PICALM: variants seen among roughly 807,000 people sequenced by gnomAD.
The protein encoded by PICALM is phosphatidylinositol-binding clathrin assembly protein.
PICALM carries 40 observed loss-of-function variants against 80.5 expected under a neutral mutation model. The observed-to-expected ratio is 0.50, with a 90% CI of 0.39 to 0.65. The LOEUF (loss-of-function observed/expected upper bound fraction) is 0.65. Among genes scored for constraint, PICALM ranks in the 30% least tolerant of loss-of-function variants. The pLI is 0.00. For missense variants in PICALM, 676 were observed against 778.9 expected, an observed-to-expected ratio of 0.87 and a Z score of 1.57; for synonymous variants, 288 against 260.3, an observed-to-expected ratio of 1.11 and a Z score of -1.02.
chr11:85,992,981 T>A (rs139432877), intron 12 of PICALM, among the ~76,000 whole-genome samples: 9 of 152,268 alleles, frequency 5.9e-5, no homozygotes, highest in Non-Finnish European at 1.0e-4. Context: ...AATCTATTAA[T>A]GGACATTACA....
intron 19 of PICALM, among the ~76,000 whole-genome samples, chr11:85,960,109 A>G (rs538013149): frequency 1.3e-5 from 2 of 152,342 alleles, no homozygotes; most frequent in Admixed American, 6.5e-5. Flanking sequence ...ATTAACATAA[A>G]TAAGAACCTG....
At chr11:85,987,350 G>C (rs2094603794) in intron 13 of PICALM, among the ~76,000 whole-genome samples, 2 of 151,992 alleles carry the variant, frequency 1.3e-5, no homozygotes, top group South Asian at 4.2e-4. Flanking sequence ...ATCTATTAGG[G>C]TTTTCAGTTT....
At chr11:85,963,247 T>G (rs1487356747) in intron 19 of PICALM, among the ~76,000 whole-genome samples, 1 of 152,098 alleles carries the variant, frequency 6.6e-6, no homozygotes, top group Non-Finnish European at 1.5e-5. Flanking sequence ...CACAAAATCA[T>G]CAAATTTTAC....
At position 86,000,689 on chromosome 11, in the gene PICALM, T is replaced by C. The variant is rs757432891; in HGVS notation, c.1108A>G (p.Thr370Ala). 3 of 1,611,344 alleles carry C rather than the reference T, an allele frequency of 1.9e-6. No homozygotes were observed. Among genetic ancestry groups the C allele is most frequent in the South Asian group, 2.2e-5 (2 of 90,988 alleles). Residue 370 changes from threonine to alanine, a missense_variant, in exon 11 of 20, where the codon ACT (threonine) becomes GCT (alanine). By Grantham distance (58) the Thr-to-Ala change is moderately conservative (BLOSUM62 0). Coordinates refer to ENST00000393346, the MANE Select transcript of PICALM (RefSeq NM_007166.4). ...GAAAATATGTCAATGGCTGGTGCAG[T>C]CATTATCCCTCCTGCTGAGGTGGAT... ...PVSTSAGGIM[T>A]APAIDIFSTP...
chr11:86,067,463 A>G (rs570855988), intron 1 of PICALM, among the ~76,000 whole-genome samples: 1 of 152,322 alleles, frequency 6.6e-6, no homozygotes, highest in Non-Finnish European at 1.5e-5. Context: ...GAGCGCAAAG[A>G]AAAAGGAGGG....
rs201330219 is a variant in PICALM at position 85,966,423 on chromosome 11, CAAA to C, written c.1945-7366_1945-7364del. On this transcript the variant is annotated intron_variant, in intron 19 of 19. Coordinates refer to ENST00000393346, the MANE Select transcript of PICALM (RefSeq NM_007166.4). ...CAATTCAGGGAATAGGAACAATTTC[CAAA>C]AACAGGGCAACCTTTAAATATTTTC... 3.1e-3 allele frequency among the ~76,000 whole-genome samples: 474 copies of C among 152,270 alleles called. 4 individuals are homozygous for C. The highest frequency in any genetic ancestry group is 0.011 in the South Asian group (51 of 4,828).
intron 19 of PICALM, among the ~76,000 whole-genome samples, chr11:85,965,379 C>T (rs2093841431): frequency 6.6e-6 from 1 of 152,174 alleles, no homozygotes; most frequent in South Asian, 2.1e-4. Context: ...ATGCTTCAAA[C>T]ATGTTTTCCT....
chr11:86,030,936 A>G (rs1005236332), intron 2 of PICALM, among the ~76,000 whole-genome samples: 6 of 152,066 alleles, frequency 3.9e-5, no homozygotes, highest in African/African-American at 1.4e-4. Context: ...GCCAAGATGG[A>G]AAGACCCCCA....
At chr11:85,986,649 C>G (rs1034716621) in intron 13 of PICALM, among the ~76,000 whole-genome samples, 11 of 152,116 alleles carry the variant, frequency 7.2e-5, no homozygotes, top group African/African-American at 2.4e-5. Context: ...CTCGGCCTCC[C>G]AGAGTGCTGG....
intron 1 of PICALM, among the ~76,000 whole-genome samples, chr11:86,035,711 G>A (rs903480055): frequency 1.3e-5 from 2 of 151,840 alleles, no homozygotes; most frequent in African/African-American, 4.8e-5. Context: ...CGGAGGCCGA[G>A]GCGGGCGGAC....
chr11:85,987,624 T>C (rs1280520730), intron 13 of PICALM, among the ~76,000 whole-genome samples: 1 of 152,248 alleles, frequency 6.6e-6, no homozygotes, highest in Non-Finnish European at 1.5e-5. Flanking sequence ...GGTCCACATA[T>C]ACAAGAATTT....
At chr11:85,980,801 G>A (rs1463814120) in intron 17 of PICALM, among the ~76,000 whole-genome samples, 1 of 152,142 alleles carries the variant, frequency 6.6e-6, no homozygotes, top group Non-Finnish European at 1.5e-5. Flanking sequence ...TGAGCACATT[G>A]CTTAATAACT....
At chr11:86,028,140 A>T (rs1479823535) in intron 2 of PICALM, among the ~76,000 whole-genome samples, 1 of 152,190 alleles carries the variant, frequency 6.6e-6, no homozygotes, top group Non-Finnish European at 1.5e-5. Context: ...CTGCAAAGAC[A>T]TATATGGCTT....
At chr11:86,015,379 G>A (rs1466415163) in intron 4 of PICALM, among the ~76,000 whole-genome samples, 1 of 152,086 alleles carries the variant, frequency 6.6e-6, no homozygotes, top group Non-Finnish European at 1.5e-5. Context: ...ACACTCTGTA[G>A]GCCAAGAGTT....
intron 19 of PICALM, among the ~76,000 whole-genome samples, chr11:85,965,266 T>C (rs1490115558): frequency 6.6e-6 from 1 of 152,234 alleles, no homozygotes; most frequent in Admixed American, 6.5e-5. Context: ...AGTACGCTGA[T>C]ACTAGACTTT....
chr11:85,975,998 T>C (rs758820036), intron 18 of PICALM, among the ~76,000 whole-genome samples: 2 of 152,172 alleles, frequency 1.3e-5, no homozygotes, highest in Non-Finnish European at 2.9e-5. Flanking sequence ...AGAAGTAACA[T>C]AGCAGGCACA....
At chr11:85,963,288 C>T (rs1013325716) in intron 19 of PICALM, among the ~76,000 whole-genome samples, 6 of 152,082 alleles carry the variant, frequency 3.9e-5, no homozygotes, top group African/African-American at 1.4e-4. Context: ...TTGTTCTGGA[C>T]ACCAAGACAA....
chr11:85,963,920 CTTTTTTTTTTT>C (rs10686143), intron 19 of PICALM, among the ~76,000 whole-genome samples: 1 of 72,878 alleles, frequency 1.4e-5, no homozygotes, highest in Admixed American at 1.9e-4. Flanking sequence ...CCACACCTGG[CTTTTTTTTTTT>C]TTTTTTTTTT....
At chr11:85,963,313 T>G (rs1467366081) in intron 19 of PICALM, among the ~76,000 whole-genome samples, 2 of 152,148 alleles carry the variant, frequency 1.3e-5, no homozygotes, top group East Asian at 1.9e-4. Context: ...TAATTGATCT[T>G]TCCAGTCAAG....
Sources: gnomAD v4.1 joint callset for allele counts (sites outside exome capture counted in the v4.1 genomes callset) on GRCh38, gnomAD v4.1.1 for gene constraint, MANE v1.5 for transcripts, NCBI Gene and HGNC (gene_info 2026-07-23, HGNC 2026-07-21) for gene names.